Variants in MAP2K4 observed in about 807,000 individuals in gnomAD.
The protein encoded by MAP2K4 is mitogen-activated protein kinase kinase 4.
MAP2K4 carries 4 observed loss-of-function variants against 48.5 expected under a neutral mutation model. The ratio of observed to expected loss-of-function variants is 0.08; its 90% CI spans 0.04 to 0.19. MAP2K4 has a LOEUF of 0.19. Among genes scored for constraint, MAP2K4 ranks in the 10% least tolerant of loss-of-function variants. MAP2K4 has a pLI of 1.00. For synonymous variants in MAP2K4, 166 were observed against 173.1 expected (o/e 0.96, Z 0.32); for missense variants, 258 against 493.3 (o/e 0.52, Z 4.52).
At chr17:12,100,022 C>A (rs1488723555) in intron 4 of MAP2K4, among the ~76,000 whole-genome samples, 2 of 152,108 alleles carry the variant, frequency 1.3e-5, no homozygotes, top group African/African-American at 2.4e-5. Flanking sequence ...CCCTCTTCTC[C>A]TTTCCCTCTT....
intron 7 of MAP2K4, among the ~76,000 whole-genome samples, chr17:12,114,503 G>A (rs553145369): frequency 6.6e-6 from 1 of 152,022 alleles, no homozygotes; most frequent in South Asian, 2.1e-4. Context: ...ACTCAGTTTG[G>A]AAGATCATTT....
intron 3 of MAP2K4, among the ~76,000 whole-genome samples, chr17:12,084,776 G>T (rs1350194858): frequency 1.3e-5 from 2 of 152,162 alleles, no homozygotes; most frequent in Non-Finnish European, 2.9e-5. Context: ...CTGGTTAAAT[G>T]TAGCGGGGTA....
chr17:12,127,117 T>C (rs1247695435), intron 8 of MAP2K4, among the ~76,000 whole-genome samples: 1 of 152,222 alleles, frequency 6.6e-6, no homozygotes, highest in Non-Finnish European at 1.5e-5. Flanking sequence ...ATGAATCATA[T>C]TGCTAGGCCT....
At chr17:12,104,298 G>A (rs1972036934) in intron 4 of MAP2K4, among the ~76,000 whole-genome samples, 1 of 152,106 alleles carries the variant, frequency 6.6e-6, no homozygotes, top group Admixed American at 6.6e-5. Context: ...CAGTGGTTTT[G>A]TGTTGATACC....
intron 3 of MAP2K4, among the ~76,000 whole-genome samples, chr17:12,094,875 T>C (rs562635751): frequency 5.9e-5 from 9 of 152,324 alleles, no homozygotes; most frequent in Non-Finnish European, 1.0e-4. Context: ...AGCCCTCTGT[T>C]TCCTCAGTTT....
At chr17:12,109,957 T>C (rs550703611) in intron 5 of MAP2K4, among the ~76,000 whole-genome samples, 1 of 151,946 alleles carries the variant, frequency 6.6e-6, no homozygotes, top group African/African-American at 2.4e-5. Context: ...GTGAGAACCC[T>C]GTCCATACTA....
At chr17:12,082,993 T>C (rs1034294574) in intron 3 of MAP2K4, among the ~76,000 whole-genome samples, 2 of 152,232 alleles carry the variant, frequency 1.3e-5, no homozygotes, top group African/African-American at 4.8e-5. Flanking sequence ...GCTACCTGTG[T>C]GTGACATCCA....
chr17:12,032,366 G>A, intron 1 of MAP2K4: 1 of 721,026 alleles, frequency 1.4e-6, no homozygotes, highest in African/African-American at 1.8e-5. Flanking sequence ...TTGGGAATGT[G>A]TCCACTATTG....
At chr17:12,062,958 G>C (rs1468514023) in intron 2 of MAP2K4, among the ~76,000 whole-genome samples, 1 of 132,126 alleles carries the variant, frequency 7.6e-6, no homozygotes, top group African/African-American at 2.9e-5. Context: ...CTTTTTCCTT[G>C]TAGTTTGCTC....
chr17:12,110,724 A>G (rs553411455), intron 6 of MAP2K4: 1 of 311,046 alleles, frequency 3.2e-6, no homozygotes, highest in African/African-American at 2.2e-5. Flanking sequence ...TTCTGCATAC[A>G]AATAAGGCAT....
intron 7 of MAP2K4, among the ~76,000 whole-genome samples, chr17:12,116,791 C>T (rs1002831413): frequency 1.3e-5 from 2 of 152,128 alleles, no homozygotes; most frequent in African/African-American, 4.8e-5. Context: ...TGTAATACCT[C>T]CTGAAAGACC....
At chr17:12,024,691 T>C (rs1399920141) in intron 1 of MAP2K4, among the ~76,000 whole-genome samples, 2 of 152,214 alleles carry the variant, frequency 1.3e-5, no homozygotes, top group Non-Finnish European at 2.9e-5. Flanking sequence ...TCATCAATAA[T>C]TTGTTAATGT....
At chr17:12,105,743 G>T (rs559136134) in intron 4 of MAP2K4, among the ~76,000 whole-genome samples, 3 of 152,092 alleles carry the variant, frequency 2.0e-5, no homozygotes, top group African/African-American at 7.2e-5. Context: ...AGATAAGAAG[G>T]TTACATTAGG....
At chr17:12,076,826 CA>C (rs1435914467) in intron 2 of MAP2K4, among the ~76,000 whole-genome samples, 3 of 151,212 alleles carry the variant, frequency 2.0e-5, no homozygotes, top group Non-Finnish European at 2.9e-5. Flanking sequence ...TCAGGGACAC[CA>C]GAGTTACGGA....
At chr17:12,106,319 GAA>G (rs1972109831) in intron 4 of MAP2K4, among the ~76,000 whole-genome samples, 1 of 152,004 alleles carries the variant, frequency 6.6e-6, no homozygotes, top group Non-Finnish European at 1.5e-5. Context: ...TCACTCTAAA[GAA>G]AAAGAGATTT....
chr17:12,137,511 C>T (rs1253350381), intron 9 of MAP2K4, among the ~76,000 whole-genome samples: 1 of 152,150 alleles, frequency 6.6e-6, no homozygotes, highest in Non-Finnish European at 1.5e-5. Flanking sequence ...ACTTGATGTT[C>T]TCTAGACTGG....
At chr17:12,100,814 A>T (rs914488705) in intron 4 of MAP2K4, among the ~76,000 whole-genome samples, 6 of 152,128 alleles carry the variant, frequency 3.9e-5, no homozygotes, top group African/African-American at 1.4e-4. Flanking sequence ...AATGACTAAC[A>T]GTGTTGAATG....
intron 3 of MAP2K4, among the ~76,000 whole-genome samples, chr17:12,095,125 G>A (rs1020779396): frequency 6.6e-6 from 1 of 152,160 alleles, no homozygotes; most frequent in Admixed American, 6.5e-5. Context: ...GTGTCCTCAT[G>A]AGTGAATGAG....
At chr17:12,032,235 A>G in intron 1 of MAP2K4, 2 of 1,329,986 alleles carry the variant, frequency 1.5e-6, no homozygotes, top group Non-Finnish European at 2.0e-6. Context: ...ATTTACAGTA[A>G]ATGAACTGGA....
Sources: allele counts gnomAD v4.1 joint callset (sites outside exome capture counted in the v4.1 genomes callset), GRCh38; gene constraint gnomAD v4.1.1; transcripts MANE v1.5; gene names NCBI Gene and HGNC (gene_info 2026-07-23, HGNC 2026-07-21).